The following BCL11B variants were observed in gnomAD, a reference collection of about 807,000 sequenced individuals.
BCL11B encodes B-cell lymphoma/leukemia 11B.
BCL11B carries 8 observed loss-of-function variants against 49.9 expected under a neutral mutation model. The ratio of observed to expected loss-of-function variants is 0.16; its 90% confidence interval spans 0.09 to 0.29. The LOEUF (loss-of-function observed/expected upper bound fraction) is 0.29. Among genes scored for constraint, BCL11B ranks in the 10% least tolerant of loss-of-function variants. BCL11B has a pLI of 1.00. For synonymous variants in BCL11B, 739 were observed against 637.4 expected (o/e 1.16, Z -2.40); for missense variants, 1,006 against 1,351.0 (o/e 0.74, Z 4.00).
intron 2 of BCL11B, among the ~76,000 whole-genome samples, chr14:99,243,533 G>A (rs61985736): frequency 0.022 from 3,416 of 152,238 alleles, 62 homozygotes; most frequent in Non-Finnish European, 0.035. Flanking sequence ...CAATTGGCTA[G>A]CCCCATTTTA....
intron 3 of BCL11B, among the ~76,000 whole-genome samples, chr14:99,180,742 T>C (rs1056659749): frequency 1.3e-5 from 2 of 152,192 alleles, no homozygotes; most frequent in Non-Finnish European, 2.9e-5. Context: ...TCCTTGTACC[T>C]GGTCATGGAT....
intron 2 of BCL11B, among the ~76,000 whole-genome samples, chr14:99,251,943 T>G (rs1413243606): frequency 3.9e-5 from 6 of 152,208 alleles, no homozygotes; most frequent in African/African-American, 1.4e-4. Flanking sequence ...GCAACTCCCT[T>G]AACCTCTCTG....
intron 2 of BCL11B, among the ~76,000 whole-genome samples, chr14:99,252,226 A>T (rs919484632): frequency 6.6e-6 from 1 of 152,168 alleles, no homozygotes; most frequent in African/African-American, 2.4e-5. Context: ...ATAATAAAAA[A>T]AGATAATCCA....
rs1480252161 is a variant in BCL11B, at chr14:99,175,021, G to T, written c.1815C>A (p.Gly605=). The change falls in exon 4 of 4, where the codon GGC becomes GGA. Residue 605 remains glycine (G), a synonymous_variant. Transcript: ENST00000357195. ...GGAGCTCGCCGTACTGCGGCAGTGCGCCTAGGCCCACGTTCTCCATGACCT... is the reference window on the plus strand; with the variant it reads ...GGAGCTCGCCGTACTGCGGCAGTGCTCCTAGGCCCACGTTCTCCATGACCT... ...LGKVMENVGL[G]ALPQYGELLA... 1.9e-6 allele frequency: 3 copies of T among 1,594,476 alleles called. No homozygotes were observed. The highest frequency in any genetic ancestry group is 1.7e-6 in the Non-Finnish European group (2 of 1,176,022).
At chr14:99,215,210 TCA>T (rs1306677732) in intron 3 of BCL11B, among the ~76,000 whole-genome samples, 2 of 152,140 alleles carry the variant, frequency 1.3e-5, no homozygotes, top group Non-Finnish European at 2.9e-5. Context: ...GCAGATAATG[TCA>T]CCCACCATTC....
intron 2 of BCL11B, among the ~76,000 whole-genome samples, chr14:99,236,320 C>T (rs1888497002): frequency 6.6e-6 from 1 of 152,068 alleles, no homozygotes; most frequent in Admixed American, 6.5e-5. Context: ...AAAAAAAATG[C>T]TAAGTATTAA....
chr14:99,202,529 A>T (rs1334868440), intron 3 of BCL11B, among the ~76,000 whole-genome samples: 1 of 152,194 alleles, frequency 6.6e-6, no homozygotes, highest in African/African-American at 2.4e-5. Context: ...CTGGGCCAGA[A>T]ATGACAAACA....
chr14:99,235,558 GA>G (rs1473503836), intron 2 of BCL11B, among the ~76,000 whole-genome samples: 1 of 152,212 alleles, frequency 6.6e-6, no homozygotes, highest in South Asian at 2.1e-4. Context: ...TTATGCAAAT[GA>G]AACTTACGTC....
chr14:99,255,699 G>T (rs141614767), intron 2 of BCL11B, among the ~76,000 whole-genome samples: 1 of 152,204 alleles, frequency 6.6e-6, no homozygotes, highest in East Asian at 1.9e-4. Context: ...GAGGCCAGGC[G>T]TCGATACTAC....
intron 2 of BCL11B, among the ~76,000 whole-genome samples, chr14:99,234,550 C>T (rs1055921881): frequency 5.3e-5 from 8 of 152,160 alleles, no homozygotes; most frequent in Non-Finnish European, 1.0e-4. Context: ...TCAAATTCCT[C>T]CTCGGCTGTC....
chr14:99,198,649 C>T (rs1887249528), intron 3 of BCL11B, among the ~76,000 whole-genome samples: 1 of 152,150 alleles, frequency 6.6e-6, no homozygotes, highest in Non-Finnish European at 1.5e-5. Flanking sequence ...GGTCTCGCGA[C>T]ACATTCTCAG....
intron 3 of BCL11B, among the ~76,000 whole-genome samples, chr14:99,181,193 C>A (rs886346891): frequency 6.6e-6 from 1 of 152,204 alleles, no homozygotes; most frequent in Admixed American, 6.5e-5. Context: ...AGCAAGGAGA[C>A]ACCCTCTCGA....
rs543516868 is a variant in BCL11B at position 99,241,663 on chromosome 14, A to AG, written c.428-10107dup. 1.7e-4 allele frequency among the ~76,000 whole-genome samples: 26 copies of AG among 152,140 alleles called. No homozygotes were observed. The South Asian group carries it at 5.0e-3, about 29-fold the overall frequency. On this transcript the variant is annotated intron_variant, in intron 2 of 3. Coordinates refer to ENST00000357195, the MANE Select transcript of BCL11B (RefSeq NM_138576.4). The surrounding 1 kb of genome is among the most constrained non-coding windows in gnomAD (Gnocchi z 4.4). ...TGCTTGCTACGTGTCCCTGTGCTGT[A>AG]GGGGGGACGATGTCGCTTTTTTCCC...
Position 99,249,247 on chromosome 14 carries a change from C to A in BCL11B, c.427+8224G>T, listed in dbSNP as rs1888931065. 2.6e-5 allele frequency among the ~76,000 whole-genome samples: 4 copies of A among 152,270 alleles called. No individual in the cohort carries two copies. The South Asian group carries it at 8.3e-4, about 32-fold the overall frequency. ...CTCCTGGGACATGACACAGTGAAGA[C>A]CCAGGGCCTCCCTGGGAAGTCAGGA... On this transcript the variant is annotated intron_variant, in intron 2 of 3. Coordinates refer to ENST00000357195, the MANE Select transcript of BCL11B (RefSeq NM_138576.4).
intron 3 of BCL11B, among the ~76,000 whole-genome samples, chr14:99,181,381 G>A (rs1886696698): frequency 6.6e-6 from 1 of 152,220 alleles, no homozygotes; most frequent in African/African-American, 2.4e-5. Flanking sequence ...GGGGAAAACT[G>A]CATCCCAGCT....
chr14:99,174,083 T>C lies in BCL11B; in HGVS notation c.*68A>G. The C allele has an allele frequency of 6.6e-7, 1 of 1,515,488 alleles. No homozygotes were observed. 93.9% of individuals were successfully genotyped at this position (1,515,488 alleles called of 1,614,324 possible). On this transcript the variant is annotated 3_prime_UTR_variant, in exon 4 of 4. Coordinates refer to ENST00000357195, the MANE Select transcript of BCL11B (RefSeq NM_138576.4). ...GGGGTGGCGGTGACACGGAGGCAAG[T>C]CAGGTCAGCATTCTCTCGGTTGGCA...
intron 2 of BCL11B, among the ~76,000 whole-genome samples, chr14:99,254,721 A>C (rs1475848755): frequency 6.6e-6 from 1 of 152,248 alleles, no homozygotes; most frequent in Non-Finnish European, 1.5e-5. Context: ...AGAAGCCTGG[A>C]GGGACAGCCG....
At chr14:99,249,924 T>C (rs563894001) in intron 2 of BCL11B, among the ~76,000 whole-genome samples, 44 of 152,184 alleles carry the variant, frequency 2.9e-4, no homozygotes, top group African/African-American at 1.0e-3. Context: ...ATACAGGAGT[T>C]TGAGACCAGC....
At position 99,184,836 on chromosome 14, in the gene BCL11B, C is replaced by T. The variant is rs1449674632; in HGVS notation, c.641-8641G>A. Among the ~76,000 whole-genome samples, 4 of 152,184 alleles carry T rather than the reference C, an allele frequency of 2.6e-5. No homozygotes were observed. Among genetic ancestry groups the T allele is most frequent in the African/African-American group, 4.8e-5 (2 of 41,454 alleles). ...CGCTCACCCCATAGTGTTGGGTGAC[C>T]GTCCACTTACCCTCATGGGACCCCT... is the stretch of plus-strand genomic sequence containing the variant. On this transcript the variant is annotated intron_variant, in intron 3 of 3. Transcript: ENST00000357195. This position sits in a 1 kb window ranked among gnomAD's most constrained non-coding sequence, Gnocchi z 6.1.
Sources: allele counts gnomAD v4.1 joint callset (sites outside exome capture counted in the v4.1 genomes callset), GRCh38; gene constraint gnomAD v4.1.1; non-coding constraint Gnocchi (gnomAD v3.1); transcripts MANE v1.5; gene names NCBI Gene and HGNC (gene_info 2026-07-23, HGNC 2026-07-21).